The following ARHGEF7 variants were observed in gnomAD, a reference collection of about 807,000 sequenced individuals.
The protein encoded by ARHGEF7 is Rho guanine nucleotide exchange factor 7, also known as PAK-interacting exchange factor beta.
A neutral mutation model predicts 109.8 loss-of-function variants in ARHGEF7; 33 were observed. The ratio of observed to expected loss-of-function variants is 0.30; its 90% CI spans 0.23 to 0.40. ARHGEF7 has a LOEUF of 0.40. ARHGEF7 is among the 10% of genes least tolerant of loss of function. The probability of loss-of-function intolerance (pLI) is 1.00; values close to 1 mark genes in which losing one functional copy is unlikely to be tolerated. For missense variants in ARHGEF7, 938 were observed against 1,098.5 expected (o/e 0.85, Z 2.07); for synonymous variants, 458 against 424.6 (o/e 1.08, Z -0.97).
chr13:111,193,041 A>G (rs1168636930), intron 2 of ARHGEF7, among the ~76,000 whole-genome samples: 1 of 152,208 alleles, frequency 6.6e-6, no homozygotes, highest in Non-Finnish European at 1.5e-5. Flanking sequence ...GACTTTGACT[A>G]CCTGTCAGAT....
At chr13:111,287,325 T>G (rs1595546925) in intron 17 of ARHGEF7, among the ~76,000 whole-genome samples, 1 of 152,200 alleles carries the variant, frequency 6.6e-6, no homozygotes, top group Non-Finnish European at 1.5e-5. Context: ...GTGCCGGGGC[T>G]TCTCTCTGAG....
At chr13:111,217,316 T>C (rs916005438) in intron 4 of ARHGEF7, among the ~76,000 whole-genome samples, 2 of 152,232 alleles carry the variant, frequency 1.3e-5, no homozygotes, top group Non-Finnish European at 2.9e-5. Flanking sequence ...TCATATAGCA[T>C]AACATTAAGT....
At chr13:111,215,452 C>G (rs944380565) in intron 4 of ARHGEF7, among the ~76,000 whole-genome samples, 2 of 151,800 alleles carry the variant, frequency 1.3e-5, no homozygotes, top group African/African-American at 4.8e-5. Flanking sequence ...TGTTTTCCTC[C>G]CCTGGCCCCT....
upstream of ARHGEF7, chr13:111,114,822 A>G (rs1204490972): frequency 1.3e-5 from 2 of 152,174 alleles, no homozygotes; most frequent in East Asian, 1.9e-4. Context: ...TCAGACCCAT[A>G]TGGCTTCAGA....
intron 5 of ARHGEF7, among the ~76,000 whole-genome samples, chr13:111,220,012 C>A (rs2083623643): frequency 6.6e-6 from 1 of 152,182 alleles, no homozygotes; most frequent in Admixed American, 6.5e-5. Context: ...TTAGGAGATG[C>A]AGTTTAGTCT....
At chr13:111,292,088 C>CG in intron 18 of ARHGEF7, 30 bp from the exon 19 acceptor site, 1 of 1,599,424 alleles carries the variant, frequency 6.3e-7, no homozygotes, top group Non-Finnish European at 8.5e-7. Flanking sequence ...CCCTGCCTGT[C>CG]GCGCCTGTCC....
At chr13:111,133,299 C>T (rs536391941) in intron 1 of ARHGEF7, among the ~76,000 whole-genome samples, 47 of 152,210 alleles carry the variant, frequency 3.1e-4, no homozygotes, top group Non-Finnish European at 4.6e-4. Context: ...TCTATAAACA[C>T]ATATGCCTAT....
intron 12 of ARHGEF7, 195 bp downstream of exon 12, chr13:111,275,873 CTTG>C (rs2092446791): frequency 3.1e-6 from 2 of 645,114 alleles, no homozygotes; most frequent in East Asian, 3.2e-5. Flanking sequence ...TGAGTGTGGA[CTTG>C]TTGATCAGTT....
chr13:111,275,510 A>G (rs2092424219), intron 11 of ARHGEF7, 22 bp from the exon 12 acceptor site: 4 of 1,612,906 alleles, frequency 2.5e-6, no homozygotes, highest in Middle Eastern at 1.8e-4. Flanking sequence ...GTCTGTTAAC[A>G]GTGTTGTTCT....
intron 1 of ARHGEF7, among the ~76,000 whole-genome samples, chr13:111,121,596 G>A (rs758264933): frequency 1.1e-4 from 16 of 150,474 alleles, no homozygotes; most frequent in Non-Finnish European, 1.9e-4. Context: ...TGACGCCCAC[G>A]CGTCTCTCAC....
chr13:111,174,290 C>G (rs940632189), intron 2 of ARHGEF7, among the ~76,000 whole-genome samples: 1 of 152,212 alleles, frequency 6.6e-6, no homozygotes, highest in African/African-American at 2.4e-5. Context: ...TTACATTTAA[C>G]CACACTGTTA....
chr13:111,184,204 GA>G (rs1181739697), intron 2 of ARHGEF7, among the ~76,000 whole-genome samples: 1 of 152,162 alleles, frequency 6.6e-6, no homozygotes, highest in Non-Finnish European at 1.5e-5. Flanking sequence ...GTCCTGTGAA[GA>G]GGTGCCTTTT....
At chr13:111,187,163 T>C (rs2153438762) in intron 2 of ARHGEF7, among the ~76,000 whole-genome samples, 1 of 152,304 alleles carries the variant, frequency 6.6e-6, no homozygotes, top group Admixed American at 6.5e-5. Context: ...TGTCTGAATT[T>C]TTGTGCTCTA....
intron 19 of ARHGEF7, among the ~76,000 whole-genome samples, chr13:111,300,438 C>G (rs915306625): frequency 4.6e-5 from 7 of 152,168 alleles, no homozygotes; most frequent in African/African-American, 9.7e-5. Context: ...ATATCCAGAG[C>G]AGTACAGTCA....
intron 1 of ARHGEF7, 57 bp from the exon 2 acceptor site, chr13:111,153,848 G>C: frequency 1.3e-6 from 2 of 1,571,434 alleles, no homozygotes; most frequent in African/African-American, 1.4e-5. Context: ...GCTCGGCCTT[G>C]TCCGCGGCGT....
At chr13:111,179,317 C>G (rs1376867914) in intron 2 of ARHGEF7, among the ~76,000 whole-genome samples, 1 of 152,130 alleles carries the variant, frequency 6.6e-6, no homozygotes, top group African/African-American at 2.4e-5. Flanking sequence ...CTCCTGACCT[C>G]AGGTGATCCT....
Position 111,180,050 on chromosome 13 carries a change from C to T in ARHGEF7, c.253-25239C>T, listed in dbSNP as rs191967427. Among the ~76,000 whole-genome samples the T allele has an allele frequency of 2.6e-3, 397 of 152,296 alleles. 4 individuals carry two copies. Among genetic ancestry groups the T allele is most frequent in the Admixed American group, 4.7e-3 (72 of 15,304 alleles). On this transcript the variant is annotated intron_variant, in intron 2 of 21. Coordinates refer to ENST00000646102, the MANE Select transcript of ARHGEF7 (RefSeq NM_001354046.2). ...TGATGCTTCTAGCATCCACTGCCTACGTGCCTGAATTACTTCCTGTTATGG... is the reference window on the plus strand; with the variant it reads ...TGATGCTTCTAGCATCCACTGCCTATGTGCCTGAATTACTTCCTGTTATGG...
intron 5 of ARHGEF7, among the ~76,000 whole-genome samples, chr13:111,225,005 G>T (rs908492169): frequency 2.0e-5 from 3 of 152,166 alleles, no homozygotes; most frequent in Admixed American, 6.5e-5. Flanking sequence ...CGTAGGGAGC[G>T]TATTATAGCA....
chr13:111,278,930 C>T (rs991759369), intron 13 of ARHGEF7, among the ~76,000 whole-genome samples: 26 of 152,162 alleles, frequency 1.7e-4, no homozygotes, highest in African/African-American at 6.0e-4. Context: ...TGCTGGAGCT[C>T]ATCTCAACAA....
Sources: allele counts gnomAD v4.1 joint callset (sites outside exome capture counted in the v4.1 genomes callset), GRCh38; gene constraint gnomAD v4.1.1; transcripts MANE v1.5; gene names NCBI Gene and HGNC (gene_info 2026-07-23, HGNC 2026-07-21).